The following TRIP12 variants were observed in gnomAD, a reference collection of about 807,000 sequenced individuals.
TRIP12 encodes the protein thyroid hormone receptor interactor 12.
In TRIP12, 25 loss-of-function variants were observed where a neutral mutation model predicts 244.2. That is an observed-to-expected ratio of 0.10 (90% CI 0.07 to 0.14). TRIP12 has a LOEUF of 0.14. Ranked by LOEUF, TRIP12 falls within the 10% of genes least tolerant of loss-of-function variation. TRIP12 has a pLI of 1.00. For synonymous variants in TRIP12, 905 were observed against 873.1 expected, an observed-to-expected ratio of 1.04 and a Z score of -0.64; for missense variants, 1,677 against 2,486.4, an observed-to-expected ratio of 0.67 and a Z score of 6.92.
chr2:229,862,394 TTC>T (rs1479821122), intron 2 of TRIP12, among the ~76,000 whole-genome samples: 3 of 152,222 alleles, frequency 2.0e-5, no homozygotes, highest in Non-Finnish European at 4.4e-5. Flanking sequence ...AGGTGTAACG[TTC>T]TGTTTTTGGG....
At chr2:229,900,200 G>T (rs761972434) in intron 1 of TRIP12, among the ~76,000 whole-genome samples, 3 of 152,078 alleles carry the variant, frequency 2.0e-5, no homozygotes, top group Non-Finnish European at 4.4e-5. Flanking sequence ...CTACAACCTA[G>T]GAATTAAAAA....
chr2:229,802,566 G>A, intron 20 of TRIP12, 107 bp from the exon 21 acceptor site: 1 of 753,794 alleles, frequency 1.3e-6, no homozygotes, highest in South Asian at 2.9e-5. Context: ...TACACAAAAA[G>A]ACTAAAACAT....
chr2:229,852,587 A>G (rs555062707), intron 4 of TRIP12, among the ~76,000 whole-genome samples: 5 of 152,330 alleles, frequency 3.3e-5, no homozygotes, highest in Non-Finnish European at 5.9e-5. Context: ...CCTAATGTAC[A>G]TTAAAAATTG....
At chr2:229,881,932 A>G (rs1280448053) in intron 1 of TRIP12, among the ~76,000 whole-genome samples, 1 of 152,220 alleles carries the variant, frequency 6.6e-6, no homozygotes, top group Non-Finnish European at 1.5e-5. Context: ...GTTGTCATTG[A>G]GACTGATTGT....
intron 1 of TRIP12, among the ~76,000 whole-genome samples, chr2:229,919,154 C>G (rs1229829729): frequency 6.6e-6 from 1 of 152,220 alleles, no homozygotes; most frequent in African/African-American, 2.4e-5. Flanking sequence ...TGGCTCTCCC[C>G]TGCAATCCCA....
At chr2:229,878,239 C>T (rs1416445369) in intron 2 of TRIP12, among the ~76,000 whole-genome samples, 3 of 152,170 alleles carry the variant, frequency 2.0e-5, no homozygotes, top group Non-Finnish European at 4.4e-5. Flanking sequence ...CACTTGAGGT[C>T]AGGAGTTTGA....
intron 6 of TRIP12, among the ~76,000 whole-genome samples, chr2:229,835,530 T>C (rs760065833): frequency 1.3e-5 from 2 of 152,214 alleles, no homozygotes; most frequent in Non-Finnish European, 2.9e-5. Flanking sequence ...CTTGTAACCC[T>C]GAGCAAGCAT....
intron 1 of TRIP12, among the ~76,000 whole-genome samples, chr2:229,882,072 T>C (rs2065000604): frequency 6.6e-6 from 1 of 152,182 alleles, no homozygotes; most frequent in African/African-American, 2.4e-5. Context: ...ATCTTGCATA[T>C]ATGAGTGTGT....
At position 229,837,840 on chromosome 2, in the gene TRIP12, GAC is replaced by G; in HGVS notation, c.1134-858_1134-857del. The stretch of plus-strand genomic sequence containing the variant: ...GGGAAAGATATTCATCTAGGACAGA[GAC>G]ACAGAATAAATTATGGAAAAAGAAT... On this transcript the variant is annotated intron_variant, in intron 5 of 41. Transcript: ENST00000675903. Among the ~76,000 whole-genome samples the G allele has an allele frequency of 2.0e-5, 3 of 152,244 alleles. 1 individual carries two copies. The Middle Eastern group carries it at 0.01, about 518-fold the overall frequency.
In TRIP12 at chr2:229,911,192, G is replaced by A. The variant is rs748770242; in HGVS notation, c.-50+10688C>T. Among the ~76,000 whole-genome samples, 154 of 152,156 alleles carry A rather than the reference G, an allele frequency of 1.0e-3. 2 individuals are homozygous for A. The highest frequency in any genetic ancestry group is 2.2e-4 in the Non-Finnish European group (15 of 68,038). The stretch of plus-strand genomic sequence containing the variant: ...TTTATTCTAAAGTCCACAAAATGTT[G>A]GACAATACAGCCTTCCTTACTCTAC... On this transcript the variant is annotated intron_variant, in intron 1 of 41. Coordinates refer to ENST00000675903, the MANE Select transcript of TRIP12 (RefSeq NM_001348323.3).
At chr2:229,869,029 G>C (rs1317859958) in intron 2 of TRIP12, among the ~76,000 whole-genome samples, 1 of 152,020 alleles carries the variant, frequency 6.6e-6, no homozygotes, top group African/African-American at 2.4e-5. Flanking sequence ...TCTCTTACTT[G>C]ACAACACAGC....
intron 34 of TRIP12, 138 bp downstream of exon 34, chr2:229,785,619 T>C (rs1336305958): frequency 1.0e-5 from 8 of 774,362 alleles, no homozygotes; most frequent in African/African-American, 1.7e-5. Flanking sequence ...ATGGAGAACT[T>C]AGAACAAATC....
At chr2:229,784,770 C>G (rs2039452547) in intron 34 of TRIP12, among the ~76,000 whole-genome samples, 1 of 152,116 alleles carries the variant, frequency 6.6e-6, no homozygotes, top group Non-Finnish European at 1.5e-5. Context: ...AAAACAATAC[C>G]AAGTGTTGTG....
chr2:229,894,315 C>G (rs2068156645), intron 1 of TRIP12: 1 of 152,166 alleles, frequency 6.6e-6, no homozygotes, highest in African/African-American at 2.4e-5. Flanking sequence ...AATCTAATAT[C>G]ATTTCAAGCT....
intron 2 of TRIP12, among the ~76,000 whole-genome samples, chr2:229,869,946 C>T (rs2062240318): frequency 6.6e-6 from 1 of 152,234 alleles, no homozygotes; most frequent in African/African-American, 2.4e-5. Flanking sequence ...AGATTCACAT[C>T]TTCCCATCTT....
chr2:229,769,427 T>C (rs2033289512), intron 39 of TRIP12, 102 bp from the exon 40 acceptor site: 6 of 789,796 alleles, frequency 7.6e-6, no homozygotes, highest in South Asian at 3.2e-5. Flanking sequence ...TCAGTCTCAG[T>C]ACTAAAACCT....
rs780035880 is a variant in TRIP12 at position 229,860,543 on chromosome 2, A to T, written c.99-12T>A. 23 of 1,580,444 alleles carry T rather than the reference A, an allele frequency of 1.5e-5. No individual in the cohort carries two copies. The highest frequency in any genetic ancestry group is 2.0e-5 in the Non-Finnish European group (23 of 1,165,124). On this transcript the variant is annotated splice_polypyrimidine_tract_variant and intron_variant, in intron 2 of 41. Transcript: ENST00000675903. ...GCCCTAAATGTGACCTGTCAGCAGA[A>T]AATCAAAACAGAAATCTATCAGGAA...
At chr2:229,789,449 G>A (rs2040874677) in intron 31 of TRIP12, among the ~76,000 whole-genome samples, 162 bp downstream of exon 31, 1 of 152,092 alleles carries the variant, frequency 6.6e-6, no homozygotes, top group Non-Finnish European at 1.5e-5. Flanking sequence ...CTGTGGGCCA[G>A]GAGAAAAAAA....
rs901047546 is a variant in TRIP12 at position 229,794,830 on chromosome 2, T to G, written c.3968+349A>C. The G allele has an allele frequency of 3.8e-5, 6 of 159,912 alleles. No homozygotes were observed. The South Asian group carries it at 1.2e-3, about 32-fold the overall frequency. 9.9% of individuals were successfully genotyped at this position (159,912 alleles called of 1,614,324 possible). ...ATCATATCGCTCAAAATGTAAACAT[T>G]ACTCACAGCCACAAAAAATTTTTTA... On this transcript the variant is annotated intron_variant, in intron 26 of 41. Coordinates refer to ENST00000675903, the MANE Select transcript of TRIP12 (RefSeq NM_001348323.3).
Sources: gnomAD v4.1 joint callset for allele counts (sites outside exome capture counted in the v4.1 genomes callset) on GRCh38, gnomAD v4.1.1 for gene constraint, MANE v1.5 for transcripts, NCBI Gene and HGNC (gene_info 2026-07-23, HGNC 2026-07-21) for gene names.